CHKA: variants seen among roughly 807,000 people sequenced by gnomAD.
The protein encoded by CHKA is CHETK-alpha.
Under a neutral mutation model 60.1 loss-of-function variants are expected in CHKA, and 34 were observed. The ratio of observed to expected loss-of-function variants is 0.57; its 90% CI spans 0.43 to 0.75. CHKA has a LOEUF of 0.75. CHKA is among the 30% of genes least tolerant of loss of function. The pLI is 0.00. For missense variants in CHKA, 563 were observed against 561.3 expected (o/e 1.00, Z -0.03); for synonymous variants, 217 against 223.1 (o/e 0.97, Z 0.24).
At chr11:68,084,294 A>G in intron 2 of CHKA, among the ~76,000 whole-genome samples, 1 of 145,042 alleles carries the variant, frequency 6.9e-6, no homozygotes, top group East Asian at 2.0e-4. Context: ...ACATATATAT[A>G]CGTATATGTG....
rs1855883287 is a variant in CHKA at position 68,053,606 on chromosome 11, CA to C, written c.*381del. 1 of 202,968 alleles carries C rather than the reference CA, an allele frequency of 4.9e-6. No individual in the cohort carries two copies. Among genetic ancestry groups the C allele is most frequent in the Non-Finnish European group, 1.0e-5 (1 of 98,676 alleles). 12.6% of individuals were successfully genotyped at this position (202,968 alleles called of 1,614,324 possible). A position where few individuals can be genotyped will look rare whatever the true frequency, so the allele number is the denominator to read the frequency against. ...AGCCTGGTCACAGTGTTCACCAGCA[CA>C]TTCATGAAAATTTAAATCAACATTA... On this transcript the variant is annotated 3_prime_UTR_variant, in exon 12 of 12. Transcript: ENST00000265689.
At chr11:68,059,485 G>C (rs1418377391) in intron 11 of CHKA, among the ~76,000 whole-genome samples, 3 of 152,076 alleles carry the variant, frequency 2.0e-5, no homozygotes, top group East Asian at 1.9e-4. Context: ...TTTTGATAGG[G>C]ATTTTGTGTA....
chr11:68,056,335 C>T (rs1856014245), intron 11 of CHKA, among the ~76,000 whole-genome samples: 1 of 152,182 alleles, frequency 6.6e-6, no homozygotes, highest in Admixed American at 6.5e-5. Flanking sequence ...CGTCCTTTCA[C>T]CTGCCCAAAG....
At chr11:68,074,950 A>C (rs1856739891) in intron 3 of CHKA, 120 bp from the exon 4 acceptor site, 1 of 808,436 alleles carries the variant, frequency 1.2e-6, no homozygotes, top group Non-Finnish European at 2.0e-6. Flanking sequence ...CGTGGGCACT[A>C]CTGTTATCAT....
At chr11:68,113,862 G>A (rs978868630) in intron 1 of CHKA, among the ~76,000 whole-genome samples, 1 of 151,904 alleles carries the variant, frequency 6.6e-6, no homozygotes, top group African/African-American at 2.4e-5. Flanking sequence ...GTAGTGGCAG[G>A]TGCCTGTAAT....
intron 1 of CHKA, among the ~76,000 whole-genome samples, chr11:68,111,266 G>A (rs546265129): frequency 6.6e-6 from 1 of 152,110 alleles, no homozygotes; most frequent in Admixed American, 6.6e-5. Flanking sequence ...ACAAAAATTA[G>A]CTGGGCGTGG....
chr11:68,054,130 G>T, intron 11 of CHKA, 83 bp from the exon 12 acceptor site: 1 of 1,213,386 alleles, frequency 8.2e-7, no homozygotes, highest in Non-Finnish European at 1.2e-6. Context: ...CCCCACCCCA[G>T]GCAAGAGCTG....
chr11:68,111,704 G>A (rs1387967730), intron 1 of CHKA, among the ~76,000 whole-genome samples: 3 of 152,054 alleles, frequency 2.0e-5, no homozygotes, highest in Non-Finnish European at 4.4e-5. Flanking sequence ...AAGGAGCAAA[G>A]GCAATACAAT....
At chr11:68,089,970 A>C (rs1320244795) in intron 2 of CHKA, 1 of 152,200 alleles carries the variant, frequency 6.6e-6, no homozygotes, top group Non-Finnish European at 1.5e-5. Context: ...ATTCCTTCCC[A>C]AAGAGGGGTG....
intron 1 of CHKA, among the ~76,000 whole-genome samples, chr11:68,097,741 T>C (rs1283472325): frequency 6.6e-6 from 1 of 152,144 alleles, no homozygotes; most frequent in East Asian, 1.9e-4. Context: ...CTAGTGTTAC[T>C]AAAAATCTGT....
intron 1 of CHKA, among the ~76,000 whole-genome samples, chr11:68,104,653 C>T (rs540981123): frequency 2.4e-4 from 37 of 152,026 alleles, no homozygotes; most frequent in African/African-American, 8.9e-4. Flanking sequence ...AACTCCTGAC[C>T]TCAAGTGATC....
At chr11:68,075,688 C>T (rs1378710982) in intron 3 of CHKA, among the ~76,000 whole-genome samples, 2 of 152,054 alleles carry the variant, frequency 1.3e-5, no homozygotes, top group Non-Finnish European at 2.9e-5. Flanking sequence ...GTAATCCCAA[C>T]ACTTTGGGAG....
chr11:68,065,415 G>A (rs1856408522), intron 9 of CHKA, among the ~76,000 whole-genome samples: 1 of 152,140 alleles, frequency 6.6e-6, no homozygotes. Context: ...AAATGAAGAT[G>A]TAGGCCAGGC....
intron 4 of CHKA, among the ~76,000 whole-genome samples, chr11:68,073,674 C>T (rs1856695053): frequency 6.6e-6 from 1 of 152,182 alleles, no homozygotes. Flanking sequence ...ACTAGCCTCT[C>T]TGTTTCTGGG....
intron 11 of CHKA, among the ~76,000 whole-genome samples, chr11:68,059,744 C>T (rs530980546): frequency 1.3e-5 from 2 of 152,306 alleles, no homozygotes; most frequent in South Asian, 2.1e-4. Flanking sequence ...TCACTGAGAA[C>T]ATATCCAGTA....
intron 2 of CHKA, among the ~76,000 whole-genome samples, chr11:68,095,491 C>T (rs1185415298): frequency 4.2e-5 from 6 of 143,294 alleles, no homozygotes; most frequent in African/African-American, 7.8e-5. Context: ...GGACGGATCA[C>T]GAGGTCAGGA....
rs1456323174 is a variant in CHKA, at chr11:68,053,426, C to T, written c.*562G>A. 1.3e-5 allele frequency: 2 copies of T among 152,980 alleles called. No homozygotes were observed. Among genetic ancestry groups the T allele is most frequent in the African/African-American group, 4.8e-5 (2 of 41,468 alleles). 9.5% of individuals were successfully genotyped at this position (152,980 alleles called of 1,614,324 possible). A position where few individuals can be genotyped will look rare whatever the true frequency, so the allele number is the denominator to read the frequency against. ...GCTCCAGAGCAATCCGCTGCTCCAG[C>T]TTCAGCCATGGGACCAAGAGGGTAA... On this transcript the variant is annotated 3_prime_UTR_variant, in exon 12 of 12. Coordinates refer to ENST00000265689, the MANE Select transcript of CHKA (RefSeq NM_001277.3).
intron 1 of CHKA, 108 bp from the exon 2 acceptor site, chr11:68,097,238 C>T: frequency 1.5e-6 from 1 of 675,702 alleles, no homozygotes; most frequent in Non-Finnish European, 2.5e-6. Flanking sequence ...CTGTTCTCAT[C>T]TTATCTCGAT....
intron 1 of CHKA, among the ~76,000 whole-genome samples, chr11:68,118,505 TA>T (rs1244273751): frequency 6.6e-6 from 1 of 152,150 alleles, no homozygotes; most frequent in Non-Finnish European, 1.5e-5. Flanking sequence ...GCTGGAGCCA[TA>T]ATAACTGCAA....
Sources: gnomAD v4.1 joint callset for allele counts (sites outside exome capture counted in the v4.1 genomes callset) on GRCh38, gnomAD v4.1.1 for gene constraint, MANE v1.5 for transcripts, NCBI Gene and HGNC (gene_info 2026-07-23, HGNC 2026-07-21) for gene names.